The following SLC14A2 variants were observed in gnomAD, a reference collection of about 807,000 sequenced individuals.
SLC14A2 encodes the protein solute carrier family 14 member 2.
A neutral mutation model predicts 104.6 loss-of-function variants in SLC14A2; 91 were observed. The observed-to-expected ratio is 0.87, with a 90% CI of 0.73 to 1.04. The LOEUF is 1.04. SLC14A2 is among the 50% of genes least tolerant of loss of function. The probability of loss-of-function intolerance (pLI) is 0.00; values close to 1 mark genes in which losing one functional copy is unlikely to be tolerated. For synonymous variants in SLC14A2, 476 were observed against 466.4 expected, an observed-to-expected ratio of 1.02 and a Z score of -0.27; for missense variants, 1,189 against 1,156.0, an observed-to-expected ratio of 1.03 and a Z score of -0.41.
intron 10 of SLC14A2, among the ~76,000 whole-genome samples, chr18:45,662,493 A>T (rs568370535): frequency 3.9e-5 from 6 of 152,290 alleles, no homozygotes; most frequent in African/African-American, 1.4e-4. Flanking sequence ...AGCCAATTCA[A>T]ATTCAGTAGT....
intron 1 of SLC14A2, among the ~76,000 whole-genome samples, chr18:45,215,417 C>T (rs2084001177): frequency 6.6e-6 from 1 of 151,602 alleles, no homozygotes; most frequent in South Asian, 2.1e-4. Context: ...ATTGAAAGCC[C>T]TAGTCAGAAA....
chr18:45,311,937 C>T (rs371355286), intron 1 of SLC14A2, among the ~76,000 whole-genome samples: 2 of 152,248 alleles, frequency 1.3e-5, no homozygotes, highest in East Asian at 3.9e-4. Context: ...TGAAATAAGC[C>T]ATTGATGCTG....
chr18:45,255,961 T>G (rs749593951), intron 1 of SLC14A2, among the ~76,000 whole-genome samples: 10 of 152,100 alleles, frequency 6.6e-5, no homozygotes, highest in Non-Finnish European at 1.5e-4. Flanking sequence ...CTTAAAAGAC[T>G]AAGCCTTTTG....
At chr18:45,194,253 GC>G in the SLC14A2 span, among the ~76,000 whole-genome samples, 1 of 152,102 alleles carries the variant, frequency 6.6e-6, no homozygotes, top group East Asian at 1.9e-4. Flanking sequence ...AGTGATGAAA[GC>G]AAAAACCTTG....
intron 1 of SLC14A2, among the ~76,000 whole-genome samples, chr18:45,384,224 A>G (rs1041808475): frequency 1.3e-5 from 2 of 152,108 alleles, no homozygotes; most frequent in Non-Finnish European, 2.9e-5. Context: ...GAGTGAGAAC[A>G]AGTGAGGGGG....
intron 1 of SLC14A2, among the ~76,000 whole-genome samples, chr18:45,393,699 G>A (rs2085996924): frequency 6.6e-6 from 1 of 152,160 alleles, no homozygotes; most frequent in Admixed American, 6.5e-5. Context: ...CACCTTGCTT[G>A]CTCTTCCCCA....
intron 1 of SLC14A2, among the ~76,000 whole-genome samples, chr18:45,401,769 G>T (rs921190065): frequency 8.5e-5 from 13 of 152,298 alleles, no homozygotes; most frequent in Non-Finnish European, 1.8e-4. Context: ...TATGGTGGTG[G>T]CAGTAACGTA....
At chr18:45,264,483 G>GT (rs201591989) in intron 1 of SLC14A2, among the ~76,000 whole-genome samples, 1,991 of 151,736 alleles carry the variant, frequency 0.013, 47 homozygotes, top group African/African-American at 0.045. Context: ...GTATTAGTCC[G>GT]TTTTTTTTGC....
At chr18:45,430,909 GAC>G (rs2086504533) in intron 1 of SLC14A2, among the ~76,000 whole-genome samples, 1 of 152,176 alleles carries the variant, frequency 6.6e-6, no homozygotes, top group Non-Finnish European at 1.5e-5. Flanking sequence ...CACCCAGGGA[GAC>G]CTTTTAGCCT....
intron 2 of SLC14A2, among the ~76,000 whole-genome samples, chr18:45,502,179 G>C (rs1265211340): frequency 2.6e-5 from 4 of 152,202 alleles, no homozygotes; most frequent in Non-Finnish European, 2.9e-5. Flanking sequence ...TCCACCCTGA[G>C]AGATACAGAT....
chr18:45,489,734 A>G (rs2087684095), intron 2 of SLC14A2, among the ~76,000 whole-genome samples: 1 of 152,220 alleles, frequency 6.6e-6, no homozygotes, highest in African/African-American at 2.4e-5. Context: ...GGAAGATGCA[A>G]AACACTGGAA....
chr18:45,380,969 A>C (rs1206953530), intron 1 of SLC14A2, among the ~76,000 whole-genome samples: 1 of 152,222 alleles, frequency 6.6e-6, no homozygotes, highest in Non-Finnish European at 1.5e-5. Flanking sequence ...TTTGATAAAT[A>C]TGTAGCTCCT....
chr18:45,191,970 C>G, the SLC14A2 span, among the ~76,000 whole-genome samples: 2 of 152,100 alleles, frequency 1.3e-5, no homozygotes, highest in Admixed American at 6.5e-5. Context: ...AAGGAATAGC[C>G]CCCAAAGAGG....
chr18:45,683,254 GC>G lies in SLC14A2; in HGVS notation c.*739del, dbSNP rs1053840387. The stretch of plus-strand genomic sequence containing the variant: ...TCTGCCCCAGCTCTGCTGCTAATGA[GC>G]CCCTACCAGGTTGAGCAAGTCTTTC... On this transcript the variant is annotated 3_prime_UTR_variant, in exon 20 of 20. Coordinates refer to ENST00000255226, the MANE Select transcript of SLC14A2 (RefSeq NM_007163.4). 8 of 152,174 alleles carry G rather than the reference GC, an allele frequency of 5.3e-5. No homozygotes were observed. Among genetic ancestry groups the G allele is most frequent in the African/African-American group, 1.9e-4 (8 of 41,418 alleles). The allele number at this position is 152,174 out of a possible 1,614,324, so 9.4% of individuals were successfully genotyped here.
At chr18:45,555,359 T>C (rs1379133940) in intron 2 of SLC14A2, among the ~76,000 whole-genome samples, 2 of 152,198 alleles carry the variant, frequency 1.3e-5, no homozygotes, top group Non-Finnish European at 2.9e-5. Context: ...TTTCTGATGG[T>C]ATAAAAGTGA....
At chr18:45,268,964 T>TGTGTGTGTGTG (rs2084621690) in intron 1 of SLC14A2, among the ~76,000 whole-genome samples, 14 of 143,466 alleles carry the variant, frequency 9.8e-5, no homozygotes, top group African/African-American at 3.6e-4. Context: ...GTTGGTGTGT[T>TGTGTGTGTGTG]TGTGTGTGTG....
At chr18:45,344,351 C>A (rs544206907) in intron 1 of SLC14A2, among the ~76,000 whole-genome samples, 75 of 152,294 alleles carry the variant, frequency 4.9e-4, no homozygotes, top group African/African-American at 1.7e-3. Flanking sequence ...CCCCAACTTC[C>A]AACACCAGCC....
Position 45,682,671 on chromosome 18 carries a change from CCT to C in SLC14A2, c.*157_*158del. 1.5e-6 allele frequency: 1 copy of C among 650,078 alleles called. No individual in the cohort carries two copies. The highest frequency in any genetic ancestry group is 2.7e-5 in the East Asian group (1 of 36,972). The allele number at this position is 650,078 out of a possible 1,614,324, so 40.3% of individuals were successfully genotyped here. A position where few individuals can be genotyped will look rare whatever the true frequency, so the allele number is the denominator to read the frequency against. ...CGTGTATGTAGTCACCATTCCAGAA[CCT>C]CTCTTTTCTAAGATGCACAACACTT... On this transcript the variant is annotated 3_prime_UTR_variant, in exon 20 of 20. Coordinates refer to ENST00000255226, the MANE Select transcript of SLC14A2 (RefSeq NM_007163.4).
At chr18:45,422,532 T>C (rs933546267) in intron 1 of SLC14A2, among the ~76,000 whole-genome samples, 8 of 151,928 alleles carry the variant, frequency 5.3e-5, no homozygotes, top group African/African-American at 1.9e-4. Flanking sequence ...TGGAGAGGAC[T>C]AGTGGAAGGT....
Sources: allele counts gnomAD v4.1 joint callset (sites outside exome capture counted in the v4.1 genomes callset), GRCh38; gene constraint gnomAD v4.1.1; transcripts MANE v1.5; gene names NCBI Gene and HGNC (gene_info 2026-07-23, HGNC 2026-07-21).